The following NALCN variants were observed in gnomAD, a reference collection of about 807,000 sequenced individuals.
The protein encoded by NALCN is sodium leak channel NALCN.
In NALCN, 111 loss-of-function variants were observed where a neutral mutation model predicts 225.3. That is an observed-to-expected ratio of 0.49 (90% CI 0.42 to 0.58). The LOEUF is 0.58. Among genes scored for constraint, NALCN ranks in the 20% least tolerant of loss-of-function variants. The pLI, the probability that NALCN is intolerant of heterozygous loss-of-function variation, is 0.00. For missense variants in NALCN, 1,378 were observed against 2,202.4 expected (o/e 0.63, Z 7.49); for synonymous variants, 764 against 769.0 (o/e 0.99, Z 0.11).
chr13:101,392,811 AT>A (rs2047182971), intron 3 of NALCN, among the ~76,000 whole-genome samples: 1 of 152,228 alleles, frequency 6.6e-6, no homozygotes, highest in African/African-American at 2.4e-5. Flanking sequence ...AATCTAGAAC[AT>A]TTAGTAAAGT....
rs79769033 is a variant in NALCN, at chr13:101,219,295, G to A, written c.1626+10098C>T. On this transcript the variant is annotated intron_variant, in intron 13 of 43. Transcript: ENST00000251127. ...GTGTTTGCAACGGAATTATGCAGAC[G>A]CTTCTGATTGGATAGGGTAAGGGGA... Among the ~76,000 whole-genome samples, 797 of 152,232 alleles carry A rather than the reference G, an allele frequency of 5.2e-3. 9 individuals carry two copies. Among genetic ancestry groups the A allele is most frequent in the African/African-American group, 0.018 (764 of 41,526 alleles).
At chr13:101,303,188 G>A (rs2044033716) in intron 7 of NALCN, among the ~76,000 whole-genome samples, 1 of 152,154 alleles carries the variant, frequency 6.6e-6, no homozygotes, top group Admixed American at 6.5e-5. Context: ...AGCAGAAACA[G>A]AAACCAGAAG....
At chr13:101,413,892 T>G (rs9513892) in intron 1 of NALCN, among the ~76,000 whole-genome samples, 80,397 of 151,992 alleles carry the variant, frequency 0.53, 23,129 homozygotes, top group Non-Finnish European at 0.65. Flanking sequence ...TCTTTTTTTA[T>G]TTTTAAACAG....
At chr13:101,282,347 A>G (rs147727765) in intron 10 of NALCN, among the ~76,000 whole-genome samples, 1 of 152,298 alleles carries the variant, frequency 6.6e-6, no homozygotes, top group African/African-American at 2.4e-5. Flanking sequence ...AAATCCTGCC[A>G]TTGACAACTA....
chr13:101,298,862 GA>G (rs988537710), intron 7 of NALCN, among the ~76,000 whole-genome samples: 6 of 152,192 alleles, frequency 3.9e-5, no homozygotes, highest in Non-Finnish European at 7.3e-5. Flanking sequence ...GCCCTTGTTG[GA>G]AAAATTGCCA....
chr13:101,378,016 T>G (rs1166884702), intron 4 of NALCN, among the ~76,000 whole-genome samples: 13 of 152,150 alleles, frequency 8.5e-5, no homozygotes, highest in Non-Finnish European at 1.9e-4. Context: ...GTATTTTATG[T>G]TGGCTAATAC....
intron 13 of NALCN, among the ~76,000 whole-genome samples, chr13:101,213,140 C>T (rs797015318): frequency 5.0e-4 from 76 of 152,130 alleles, no homozygotes; most frequent in African/African-American, 1.8e-3. Flanking sequence ...AGAAATAATA[C>T]CACACATCTA....
intron 12 of NALCN, among the ~76,000 whole-genome samples, chr13:101,237,032 A>G (rs1214248783): frequency 6.6e-6 from 1 of 151,888 alleles, no homozygotes; most frequent in Non-Finnish European, 1.5e-5. Context: ...GTTTTTGACT[A>G]GAATACCATG....
In NALCN at chr13:101,073,680, A is replaced by G; in HGVS notation, c.4104-3T>C. On this transcript the variant is annotated splice_polypyrimidine_tract_variant and splice_region_variant and intron_variant, in intron 36 of 43. Transcript: ENST00000251127. ...CAGCCGAAGAAAAATTTGCATGCCTAATTTAAGAAAAAAAAATTAACAGAA... is the reference window on the plus strand; with the variant it reads ...CAGCCGAAGAAAAATTTGCATGCCTGATTTAAGAAAAAAAAATTAACAGAA... The G allele has an allele frequency of 6.2e-7, 1 of 1,610,204 alleles. No individual in the cohort carries two copies. The highest frequency in any genetic ancestry group is 1.1e-5 in the South Asian group (1 of 90,820).
At chr13:101,107,251 A>G (rs1002196450) in intron 22 of NALCN, among the ~76,000 whole-genome samples, 11 of 152,242 alleles carry the variant, frequency 7.2e-5, no homozygotes, top group Non-Finnish European at 1.5e-4. Context: ...AAAATGCACA[A>G]ACGAAAATGG....
intron 3 of NALCN, among the ~76,000 whole-genome samples, chr13:101,388,436 T>G (rs1014416758): frequency 1.3e-5 from 2 of 151,938 alleles, no homozygotes; most frequent in Non-Finnish European, 2.9e-5. Context: ...AAAAAAAAAT[T>G]TTGGTTGTAG....
chr13:101,154,286 T>C (rs1164653532), intron 15 of NALCN, among the ~76,000 whole-genome samples: 3 of 152,230 alleles, frequency 2.0e-5, no homozygotes, highest in Non-Finnish European at 4.4e-5. Flanking sequence ...ATTTTCCTGA[T>C]TCCAGAGCTT....
chr13:101,159,953 T>TTTTTA (rs148275396), intron 15 of NALCN, among the ~76,000 whole-genome samples: 10 of 151,266 alleles, frequency 6.6e-5, no homozygotes, highest in South Asian at 2.1e-4. Context: ...TTTTTTGTTA[T>TTTTTA]TTTTATTTTA....
At chr13:101,342,412 T>C (rs567183363) in intron 7 of NALCN, among the ~76,000 whole-genome samples, 22 of 152,282 alleles carry the variant, frequency 1.4e-4, no homozygotes, top group African/African-American at 4.8e-4. Flanking sequence ...AAAGCAGTTG[T>C]GTCCCCTCCA....
chr13:101,244,308 A>G (rs1477680409), intron 11 of NALCN, among the ~76,000 whole-genome samples: 1 of 152,196 alleles, frequency 6.6e-6, no homozygotes, highest in Non-Finnish European at 1.5e-5. Context: ...TGCATATATT[A>G]TCAAAAGGAC....
intron 10 of NALCN, among the ~76,000 whole-genome samples, chr13:101,282,763 T>C (rs1236484049): frequency 6.6e-6 from 1 of 152,176 alleles, no homozygotes; most frequent in Non-Finnish European, 1.5e-5. Context: ...ATCATCACAT[T>C]GTATACCTTA....
At chr13:101,190,979 T>C (rs1350379403) in intron 14 of NALCN, among the ~76,000 whole-genome samples, 1 of 152,198 alleles carries the variant, frequency 6.6e-6, no homozygotes, top group Non-Finnish European at 1.5e-5. Flanking sequence ...TCAGATAAAT[T>C]ACTAAACTCT....
chr13:101,330,764 C>T (rs772682425), intron 7 of NALCN, among the ~76,000 whole-genome samples: 8 of 152,096 alleles, frequency 5.3e-5, no homozygotes, highest in South Asian at 2.1e-4. Flanking sequence ...ATCATGGGGG[C>T]GAGTCTTTCC....
intron 12 of NALCN, among the ~76,000 whole-genome samples, chr13:101,231,159 A>G (rs934749755): frequency 6.6e-6 from 1 of 152,118 alleles, no homozygotes; most frequent in Non-Finnish European, 1.5e-5. Context: ...ATTTCTCAAA[A>G]TGTATCTCTG....
Sources: allele counts gnomAD v4.1 joint callset (sites outside exome capture counted in the v4.1 genomes callset), GRCh38; gene constraint gnomAD v4.1.1; transcripts MANE v1.5; gene names NCBI Gene and HGNC (gene_info 2026-07-23, HGNC 2026-07-21).